Variants in SYNPR observed in about 807,000 individuals in gnomAD.
SYNPR encodes the protein synaptoporin.
Under a neutral mutation model 32.9 loss-of-function variants are expected in SYNPR, and 23 were observed. That is an observed-to-expected ratio of 0.70 (90% CI 0.50 to 0.99). The LOEUF is 0.99. SYNPR is among the 50% of genes least tolerant of loss of function. The probability of loss-of-function intolerance (pLI) is 0.00; values close to 1 mark genes in which losing one functional copy is unlikely to be tolerated. For missense variants in SYNPR, 318 were observed against 349.3 expected (o/e 0.91, Z 0.71); for synonymous variants, 146 against 135.9 (o/e 1.07, Z -0.52).
chr3:63,575,337 C>T (rs1164267763), intron 4 of SYNPR, among the ~76,000 whole-genome samples: 1 of 152,134 alleles, frequency 6.6e-6, no homozygotes, highest in African/African-American at 2.4e-5. Context: ...TCCTACCAGC[C>T]TCTCTGGCCT....
intron 1 of SYNPR, among the ~76,000 whole-genome samples, chr3:63,241,452 C>T (rs2086241863): frequency 6.6e-6 from 1 of 152,038 alleles, no homozygotes. Context: ...TATGGTAATT[C>T]TATTTCTCTT....
chr3:63,380,378 C>T (rs1377246157), intron 2 of SYNPR, among the ~76,000 whole-genome samples: 59 of 152,222 alleles, frequency 3.9e-4, no homozygotes, highest in Middle Eastern at 3.4e-3. Context: ...GTGATCGCCA[C>T]TCTAACTGGT....
intron 2 of SYNPR, among the ~76,000 whole-genome samples, chr3:63,397,507 A>G (rs1308760238): frequency 6.6e-6 from 1 of 152,036 alleles, no homozygotes; most frequent in Admixed American, 6.6e-5. Context: ...TCCTTTTTCT[A>G]GCAGCTTCTA....
At chr3:63,345,254 G>A (rs2087422811) in intron 2 of SYNPR, among the ~76,000 whole-genome samples, 1 of 152,190 alleles carries the variant, frequency 6.6e-6, no homozygotes, top group African/African-American at 2.4e-5. Flanking sequence ...TTGGGAAGGG[G>A]CTAGTATCAT....
the SYNPR span, among the ~76,000 whole-genome samples, chr3:63,206,260 G>A: frequency 6.6e-6 from 1 of 152,146 alleles, no homozygotes. Context: ...TTTAGGGGGG[G>A]AAAGGCTCTG....
At chr3:63,488,135 A>G (rs1701189916) in intron 3 of SYNPR, among the ~76,000 whole-genome samples, 1 of 151,974 alleles carries the variant, frequency 6.6e-6, no homozygotes, top group Non-Finnish European at 1.5e-5. Flanking sequence ...AACATTTTTT[A>G]TTTTTTCGGT....
chr3:63,477,698 C>T (rs1559511156), intron 2 of SYNPR, among the ~76,000 whole-genome samples: 1 of 152,110 alleles, frequency 6.6e-6, no homozygotes, highest in Non-Finnish European at 1.5e-5. Flanking sequence ...TATTTCTGGG[C>T]ACGAGCAAGC....
At chr3:63,376,305 TAGTTATAACTTGCATTAGTTAACGTA>T (rs1216477086) in intron 2 of SYNPR, among the ~76,000 whole-genome samples, 123 of 152,356 alleles carry the variant, frequency 8.1e-4, no homozygotes, top group African/African-American at 2.8e-3. Flanking sequence ...TAACTTGTAT[TAGTTATAACTTGCATTAGTTAACGTA>T]AGTTATAACT....
chr3:63,572,648 T>G (rs778798090), intron 4 of SYNPR, among the ~76,000 whole-genome samples: 1 of 152,152 alleles, frequency 6.6e-6, no homozygotes, highest in Non-Finnish European at 1.5e-5. Context: ...ATAATAACTC[T>G]TTTTGCCATT....
At chr3:63,259,778 CA>C (rs1266654184) in intron 2 of SYNPR, among the ~76,000 whole-genome samples, 2 of 152,176 alleles carry the variant, frequency 1.3e-5, no homozygotes, top group Non-Finnish European at 2.9e-5. Flanking sequence ...AAGAGGAAGT[CA>C]AATTGTCCCT....
At chr3:63,399,716 GCCAAGTTTACTCCCTC>G (rs1329907700) in intron 2 of SYNPR, among the ~76,000 whole-genome samples, 1 of 152,064 alleles carries the variant, frequency 6.6e-6, no homozygotes, top group African/African-American at 2.4e-5. Context: ...AGGTTATTGT[GCCAAGTTTACTCCCTC>G]CCAAGTAGCA....
chr3:63,293,535 A>T (rs2086762615), intron 2 of SYNPR, among the ~76,000 whole-genome samples: 2 of 152,212 alleles, frequency 1.3e-5, no homozygotes, highest in African/African-American at 2.4e-5. Flanking sequence ...GGCAAACCAC[A>T]TAATGTATTA....
At chr3:63,519,214 A>G (rs1309810030) in intron 3 of SYNPR, among the ~76,000 whole-genome samples, 2 of 152,192 alleles carry the variant, frequency 1.3e-5, no homozygotes, top group African/African-American at 2.4e-5. Context: ...TATTGGCCCA[A>G]GTTTTCTTTT....
rs73834618 is a variant in SYNPR at position 63,605,104 on chromosome 3, C to A, written c.409-4021C>A. Among the ~76,000 whole-genome samples, 328 of 152,290 alleles carry A rather than the reference C, an allele frequency of 2.2e-3. 1 individual carries two copies. Among genetic ancestry groups the A allele is most frequent in the African/African-American group, 7.3e-3 (305 of 41,548 alleles). ...AGTCAAAATGCTTGCATCCATGGAA[C>A]TGACATCTTATGGGAAGAAGTAGGC... On this transcript the variant is annotated intron_variant, in intron 4 of 5. Coordinates refer to ENST00000478300, the MANE Select transcript of SYNPR (RefSeq NM_001130003.2).
At chr3:63,365,388 G>T (rs146948608) in intron 2 of SYNPR, among the ~76,000 whole-genome samples, 1 of 152,146 alleles carries the variant, frequency 6.6e-6, no homozygotes, top group Admixed American at 6.5e-5. Flanking sequence ...GGAGAGTAGC[G>T]ACAGTTCAGC....
chr3:63,507,426 G>C (rs1701610513), intron 3 of SYNPR, among the ~76,000 whole-genome samples: 1 of 152,114 alleles, frequency 6.6e-6, no homozygotes, highest in Admixed American at 6.6e-5. Flanking sequence ...TGAAGTAACA[G>C]ACAATCTGTG....
intron 2 of SYNPR, among the ~76,000 whole-genome samples, chr3:63,405,977 G>C (rs2088354259): frequency 2.6e-5 from 4 of 152,098 alleles, no homozygotes; most frequent in African/African-American, 4.8e-5. Flanking sequence ...ACACCACCTG[G>C]AGATGGGTAT....
chr3:63,365,642 T>C (rs1228420573), intron 2 of SYNPR, among the ~76,000 whole-genome samples: 1 of 152,158 alleles, frequency 6.6e-6, no homozygotes, highest in Non-Finnish European at 1.5e-5. Context: ...TAAATTCAGT[T>C]CCCTTTTAAA....
chr3:63,603,199 C>T lies in SYNPR; in HGVS notation c.409-5926C>T, dbSNP rs1470660362. Reference sequence around the variant, plus strand: ...TGATATTTGTACACTGATTTTGTATCCTAAAACTTTGCCGAAGTTGTCTGT... The same window carrying T: ...TGATATTTGTACACTGATTTTGTATTCTAAAACTTTGCCGAAGTTGTCTGT... On this transcript the variant is annotated intron_variant, in intron 4 of 5. Transcript: ENST00000478300. Among the ~76,000 whole-genome samples the T allele has an allele frequency of 7.2e-5, 11 of 152,112 alleles. 1 individual carries two copies. Among genetic ancestry groups the T allele is most frequent in the Admixed American group, 5.9e-4 (9 of 15,258 alleles).
Sources: gnomAD v4.1 joint callset for allele counts (sites outside exome capture counted in the v4.1 genomes callset) on GRCh38, gnomAD v4.1.1 for gene constraint, MANE v1.5 for transcripts, NCBI Gene and HGNC (gene_info 2026-07-23, HGNC 2026-07-21) for gene names.